Variants in DDAH1 observed in about 807,000 individuals in gnomAD.
DDAH1 encodes N(G),N(G)-dimethylarginine dimethylaminohydrolase 1.
DDAH1 carries 19 observed loss-of-function variants against 28.8 expected under a neutral mutation model. That is an observed-to-expected ratio of 0.66 (90% CI 0.46 to 0.97). The LOEUF is 0.97. Among genes scored for constraint, DDAH1 ranks in the 50% least tolerant of loss-of-function variants. The probability of loss-of-function intolerance (pLI) is 0.00; values close to 1 mark genes in which losing one functional copy is unlikely to be tolerated. For synonymous variants in DDAH1, 153 were observed against 154.4 expected (o/e 0.99, Z 0.07); for missense variants, 326 against 375.9 (o/e 0.87, Z 1.10).
At chr1:85,440,771 T>C (rs1283034813) in intron 1 of DDAH1, among the ~76,000 whole-genome samples, 1 of 151,008 alleles carries the variant, frequency 6.6e-6, no homozygotes, top group Non-Finnish European at 1.5e-5. Context: ...TCAACCCCCT[T>C]AACACTACCT....
At chr1:85,518,299 TCAG>T (rs1657545546) in intron 1 of DDAH1, among the ~76,000 whole-genome samples, 1 of 152,166 alleles carries the variant, frequency 6.6e-6, no homozygotes, top group Middle Eastern at 3.2e-3. Flanking sequence ...ATTTTACAGT[TCAG>T]CAGGTCAGAA....
At chr1:85,481,411 C>T (rs565509017) in intron 2 of DDAH1, among the ~76,000 whole-genome samples, 12 of 152,136 alleles carry the variant, frequency 7.9e-5, no homozygotes, top group African/African-American at 2.4e-4. Context: ...GACAATTTCT[C>T]TCTGTAAGAG....
intron 1 of DDAH1, among the ~76,000 whole-genome samples, chr1:85,512,396 C>A (rs912809093): frequency 2.0e-5 from 3 of 152,154 alleles, no homozygotes; most frequent in Non-Finnish European, 4.4e-5. Context: ...CAATATCATA[C>A]TGAATGGGCA....
intron 1 of DDAH1, among the ~76,000 whole-genome samples, chr1:85,366,410 G>A (rs969450829): frequency 1.3e-5 from 2 of 151,616 alleles, no homozygotes; most frequent in Non-Finnish European, 2.9e-5. Flanking sequence ...TTGATTTCTT[G>A]GATTTCCAAA....
At chr1:85,566,538 G>A (rs1659309833) in intron 1 of DDAH1, among the ~76,000 whole-genome samples, 1 of 150,994 alleles carries the variant, frequency 6.6e-6, no homozygotes, top group South Asian at 2.1e-4. Context: ...AGTAGAGAAT[G>A]TCACATTGAA....
chr1:85,452,488 C>T (rs535921372), intron 1 of DDAH1, among the ~76,000 whole-genome samples: 6 of 152,028 alleles, frequency 3.9e-5, no homozygotes, highest in Non-Finnish European at 5.9e-5. Flanking sequence ...TTATGGGTTG[C>T]GAATACACTC....
At chr1:85,508,270 T>A (rs972492309) in intron 1 of DDAH1, among the ~76,000 whole-genome samples, 2 of 152,246 alleles carry the variant, frequency 1.3e-5, no homozygotes, top group Non-Finnish European at 2.9e-5. Flanking sequence ...CACTCCTTCA[T>A]TGGCATTCTT....
At chr1:85,431,926 C>T (rs2100636879) in intron 1 of DDAH1, among the ~76,000 whole-genome samples, 1 of 152,288 alleles carries the variant, frequency 6.6e-6, no homozygotes, top group Middle Eastern at 3.4e-3. Flanking sequence ...TTCCCACAAC[C>T]TCAGGCACCT....
intron 1 of DDAH1, among the ~76,000 whole-genome samples, chr1:85,412,628 C>T (rs528483765): frequency 6.6e-6 from 1 of 152,322 alleles, no homozygotes; most frequent in East Asian, 1.9e-4. Context: ...TTGTACCCCT[C>T]ATCCTTGGAA....
At chr1:85,388,657 C>A (rs1651396721) in intron 1 of DDAH1, among the ~76,000 whole-genome samples, 1 of 152,136 alleles carries the variant, frequency 6.6e-6, no homozygotes, top group Non-Finnish European at 1.5e-5. Flanking sequence ...TATAACAACC[C>A]AGAGCCATCT....
chr1:85,406,935 T>C (rs78934330), intron 1 of DDAH1, among the ~76,000 whole-genome samples: 3,017 of 152,182 alleles, frequency 0.02, 80 homozygotes, highest in African/African-American at 0.059. Flanking sequence ...AATTAGAGTA[T>C]ATTTCATAAA....
At chr1:85,519,353 G>C (rs747296095) in intron 1 of DDAH1, among the ~76,000 whole-genome samples, 3 of 152,118 alleles carry the variant, frequency 2.0e-5, no homozygotes, top group African/African-American at 7.2e-5. Context: ...GCCGTGGCGT[G>C]AGCCACCGTG....
At chr1:85,543,222 ACT>A (rs1488820746) in intron 1 of DDAH1, among the ~76,000 whole-genome samples, 11 of 152,344 alleles carry the variant, frequency 7.2e-5, no homozygotes, top group African/African-American at 2.2e-4. Flanking sequence ...CTCAAGAATT[ACT>A]GTTAGTTAAA....
chr1:85,352,672 C>T (rs1649283779), intron 2 of DDAH1, among the ~76,000 whole-genome samples: 1 of 152,104 alleles, frequency 6.6e-6, no homozygotes, highest in African/African-American at 2.4e-5. Context: ...ATATGGCTGA[C>T]ATTTATTTCA....
At chr1:85,456,815 C>T (rs1195936811) in intron 1 of DDAH1, among the ~76,000 whole-genome samples, 2 of 152,118 alleles carry the variant, frequency 1.3e-5, no homozygotes, top group Non-Finnish European at 2.9e-5. Context: ...GGGAAAACCC[C>T]CAGCAAAGAA....
intron 1 of DDAH1, among the ~76,000 whole-genome samples, chr1:85,552,021 C>T (rs560170615): frequency 9.3e-4 from 141 of 152,244 alleles, no homozygotes; most frequent in Non-Finnish European, 1.7e-3. Context: ...GAAAGGGGTG[C>T]GAGAGGTGGG....
chr1:85,553,950 G>A (rs1658881870), intron 1 of DDAH1, among the ~76,000 whole-genome samples: 1 of 152,196 alleles, frequency 6.6e-6, no homozygotes, highest in Admixed American at 6.5e-5. Flanking sequence ...TGGTTCATAA[G>A]GAAGCCCAGG....
chr1:85,376,534 T>A (rs1257153462), intron 1 of DDAH1, among the ~76,000 whole-genome samples: 1 of 152,076 alleles, frequency 6.6e-6, no homozygotes, highest in Non-Finnish European at 1.5e-5. Context: ...CTTGCCTCCA[T>A]CCAGGCAGTT....
intron 1 of DDAH1, among the ~76,000 whole-genome samples, chr1:85,519,443 A>G (rs1657597714): frequency 2.0e-5 from 3 of 152,154 alleles, no homozygotes; most frequent in Non-Finnish European, 4.4e-5. Context: ...ATAAATACAG[A>G]CTTGGAGTTT....
Sources: allele counts gnomAD v4.1 joint callset (sites outside exome capture counted in the v4.1 genomes callset), GRCh38; gene constraint gnomAD v4.1.1; transcripts MANE v1.5; gene names NCBI Gene and HGNC (gene_info 2026-07-23, HGNC 2026-07-21).